The following MASP2 variants were observed in gnomAD, a reference collection of about 807,000 sequenced individuals.
The protein encoded by MASP2 is MBL associated serine protease 2.
Under a neutral mutation model 57.1 loss-of-function variants are expected in MASP2, and 49 were observed. The ratio of observed to expected loss-of-function variants is 0.86; its 90% CI spans 0.68 to 1.09. The LOEUF (loss-of-function observed/expected upper bound fraction) is 1.09. Ranked by LOEUF, MASP2 falls within the 50% of genes least tolerant of loss-of-function variation. MASP2 has a pLI of 0.00. For missense variants in MASP2, 900 were observed against 874.8 expected (o/e 1.03, Z -0.36); for synonymous variants, 379 against 340.8 (o/e 1.11, Z -1.24).
Position 11,030,868 on chromosome 1 carries a change from G to C in MASP2, c.1102C>G (p.Pro368Ala), listed in dbSNP as rs1299345906. 1.2e-6 allele frequency: 2 copies of C among 1,612,788 alleles called. No homozygotes were observed. ...CGGCCACTGGGTAGATCATCAGGAG[G>C]GCCACAGTCAACAACTAAGAAAGAA... ...MPACSIVDCG[P>A]PDDLPSGRVE... Residue 368 changes from proline (P) to alanine (A), a missense_variant, in exon 9 of 11, where the codon CCT (proline) becomes GCT (alanine). Coordinates refer to ENST00000400897, the MANE Select transcript of MASP2 (RefSeq NM_006610.4).
Position 11,046,731 on chromosome 1 carries a change from C to A in MASP2, c.237G>T (p.Leu79=), listed in dbSNP as rs767896134. ...SHLCEYDFVK[L]SSGAKVLATL... ...TGGCCAGCACCTTGGCCCCCGAGCT[C>A]AGCTGTGGGGTCAGGTGTCACAGGG... The change falls in exon 3 of 11, where the codon CTG becomes CTT. Residue 79 remains leucine (L), a splice_region_variant and synonymous_variant. Coordinates refer to ENST00000400897, the MANE Select transcript of MASP2 (RefSeq NM_006610.4). 2.7e-5 allele frequency: 44 copies of A among 1,611,676 alleles called. 1 individual carries two copies. The highest frequency in any genetic ancestry group is 3.6e-5 in the Non-Finnish European group (43 of 1,179,380).
chr1:11,041,279 G>A (rs1408860878), intron 6 of MASP2, among the ~76,000 whole-genome samples: 1 of 150,678 alleles, frequency 6.6e-6, no homozygotes, highest in Non-Finnish European at 1.5e-5. Flanking sequence ...ATGGATGGGT[G>A]AGTAGATGGA....
At position 11,045,550 on chromosome 1, in the gene MASP2, G is replaced by A; in HGVS notation, c.413-11C>T. The stretch of plus-strand genomic sequence containing the variant: ...GGCACTCGTCAATGTCTGGGGGAGA[G>A]GCAGGGCCAGGCAGGCCGTCAGGAG... On this transcript the variant is annotated splice_polypyrimidine_tract_variant and intron_variant, in intron 3 of 10. Coordinates refer to ENST00000400897, the MANE Select transcript of MASP2 (RefSeq NM_006610.4). 1.3e-6 allele frequency: 2 copies of A among 1,597,634 alleles called. No homozygotes were observed. The highest frequency in any genetic ancestry group is 1.9e-4 in the Middle Eastern group (1 of 5,374).
chr1:11,045,025 C>T (rs897458953), intron 4 of MASP2: 9 of 1,465,642 alleles, frequency 6.1e-6, no homozygotes, highest in East Asian at 2.3e-5. Context: ...GCAGGGTCAG[C>T]GCCAGCAGGT....
At chr1:11,038,937 T>G (rs1638332399) in intron 6 of MASP2, among the ~76,000 whole-genome samples, 1 of 152,044 alleles carries the variant, frequency 6.6e-6, no homozygotes, top group Non-Finnish European at 1.5e-5. Flanking sequence ...AACTCCTTTT[T>G]CCCCTGCCCC....
intron 8 of MASP2, among the ~76,000 whole-genome samples, chr1:11,034,241 C>CAAAAAAAAAAAA (rs1643872586): frequency 1.0e-5 from 1 of 96,976 alleles, no homozygotes. Context: ...AGACCCTTCT[C>CAAAAAAAAAAAA]AGAAAAAAAA....
chr1:11,045,096 G>A (rs1225650326), intron 4 of MASP2: 1 of 846,934 alleles, frequency 1.2e-6, no homozygotes, highest in Non-Finnish European at 1.9e-6. Context: ...AGGGAACCAG[G>A]TCCCAAGGAA....
Position 11,046,572 on chromosome 1 carries a change from G to A in MASP2, c.396C>T (p.Ala132=). ...TTGGCTCACCCTCGGCTGCATAGAA[G>A]GCCTCGAACCCCGTGAACGGCTTCT... ...SNEKPFTGFE[A]FYAAEDIDEC... Residue 132 remains alanine (A), a synonymous_variant, in exon 3 of 11, where the codon GCC becomes GCT. Coordinates refer to ENST00000400897, the MANE Select transcript of MASP2 (RefSeq NM_006610.4). 1 of 1,613,946 alleles carries A rather than the reference G, an allele frequency of 6.2e-7. No individual in the cohort carries two copies. The highest frequency in any genetic ancestry group is 8.5e-7 in the Non-Finnish European group (1 of 1,180,028).
At chr1:11,042,317 T>C (rs1638484170) in intron 6 of MASP2, among the ~76,000 whole-genome samples, 1 of 147,874 alleles carries the variant, frequency 6.8e-6, no homozygotes, top group African/African-American at 2.5e-5. Context: ...GGTGAATGAA[T>C]AGATGGATAG....
chr1:11,039,597 T>TG (rs1638354398), intron 6 of MASP2, among the ~76,000 whole-genome samples: 2 of 135,762 alleles, frequency 1.5e-5, no homozygotes, highest in East Asian at 2.2e-4. Flanking sequence ...GATGGATGGA[T>TG]GATGGATGGA....
In MASP2 at chr1:11,026,752, G is replaced by A; in HGVS notation, c.*133C>T. ...TGGAGAAATGACAGCAGCCTCACCT[G>A]GAGTCTGTTTTTTTGGGTGGAGCAA... is the stretch of plus-strand genomic sequence containing the variant. On this transcript the variant is annotated 3_prime_UTR_variant, in exon 11 of 11. Transcript: ENST00000400897. 1.5e-6 allele frequency: 1 copy of A among 652,328 alleles called. No individual in the cohort carries two copies. Among genetic ancestry groups the A allele is most frequent in the South Asian group, 4.0e-5 (1 of 24,742 alleles). The allele number at this position is 652,328 out of a possible 1,614,324, so 40.4% of individuals were successfully genotyped here.
At chr1:11,042,787 A>C (rs1261878202) in intron 6 of MASP2, 88 bp downstream of exon 6, 2 of 1,459,172 alleles carry the variant, frequency 1.4e-6, no homozygotes, top group Non-Finnish European at 1.9e-6. Context: ...CTGGCCCAGA[A>C]GGAGCCCTAC....
rs767411065 is a variant in MASP2, at chr1:11,046,670, C to T, written c.298G>A (p.Ala100Thr). The T allele has an allele frequency of 7.4e-6, 12 of 1,613,418 alleles. No individual in the cohort carries two copies. In the Admixed American group the frequency reaches 1.8e-4, roughly 25 times the overall value. The change falls in exon 3 of 11, where the codon GCC becomes ACC. Residue 100 changes from alanine (A) to threonine (T), a missense_variant. Ala to Thr is a moderately conservative substitution (Grantham distance 58). Coordinates refer to ENST00000400897, the MANE Select transcript of MASP2 (RefSeq NM_006610.4). ...CGQESTDTER[A>T]PGKDTFYSLG... ...GAGTAGAAAGTGTCCTTGCCAGGGG[C>T]CCGCTCCGTGTCTGTGCTCTCCTGC...
Position 11,047,059 on chromosome 1 carries a change from C to G in MASP2, c.66G>C (p.Trp22Cys). 1.3e-6 allele frequency: 2 copies of G among 1,550,756 alleles called. No homozygotes were observed. Among genetic ancestry groups the G allele is most frequent in the Non-Finnish European group, 1.7e-6 (2 of 1,147,130 alleles). Residue 22 changes from tryptophan (W) to cysteine (C), a missense_variant, in exon 2 of 11, where the codon TGG (tryptophan) becomes TGC (cysteine). Trp to Cys is a radical substitution (Grantham distance 215). Coordinates refer to ENST00000400897, the MANE Select transcript of MASP2 (RefSeq NM_006610.4). ...GSVATPLGPK[W>C]PEPVFGRLAS... Reference sequence around the variant, plus strand: ...CCAGGCGCCCGAACACAGGTTCAGGCCACTTCGGGCCCAAGGGGGTGGCCA... The same window carrying G: ...CCAGGCGCCCGAACACAGGTTCAGGGCACTTCGGGCCCAAGGGGGTGGCCA...
At position 11,037,812 on chromosome 1, in the gene MASP2, C is replaced by T. The variant is rs370918294; in HGVS notation, c.890-1G>A. The T allele has an allele frequency of 4.6e-5, 74 of 1,597,550 alleles. No homozygotes were observed. The highest frequency in any genetic ancestry group is 6.2e-5 in the Non-Finnish European group (72 of 1,169,938). ...GCCATCGGATAAGGGCAAGGCTGCG[C>T]TGCGCAGAGGAAACCAGGCTTGTTG... On this transcript the variant is annotated splice_acceptor_variant, in intron 6 of 10. Transcript: ENST00000400897. LOFTEE classifies it high-confidence loss of function.
In MASP2 at chr1:11,041,105, A is replaced by ATGGATGGATGGATG. The variant is rs59932912; in HGVS notation, c.889+1769_889+1770insCATCCATCCATCCA. On this transcript the variant is annotated intron_variant, in intron 6 of 10. Transcript: ENST00000400897. ...TAGGTGGATGGATAGAAGGATGGAT[A>ATGGATGGATGGATG]GATGGATGGATGGATGGATGGATGG... Among the ~76,000 whole-genome samples the ATGGATGGATGGATG allele has an allele frequency of 2.6e-4, 35 of 133,090 alleles. 3 individuals carry two copies. The highest frequency in any genetic ancestry group is 2.8e-4 in the Non-Finnish European group (18 of 64,462). The allele number at this position is 133,090 out of a possible 152,430, so 87.3% of individuals were successfully genotyped here.
intron 7 of MASP2, among the ~76,000 whole-genome samples, chr1:11,036,867 C>T (rs1286775103): frequency 1.3e-5 from 2 of 152,010 alleles, no homozygotes; most frequent in African/African-American, 4.8e-5. Flanking sequence ...TTTCCCGGGG[C>T]TGTCTACTTT....
chr1:11,043,258 G>A (rs1638516031), intron 5 of MASP2, 81 bp downstream of exon 5: 1 of 1,274,042 alleles, frequency 7.8e-7, no homozygotes, highest in African/African-American at 1.5e-5. Flanking sequence ...AACGTGGTGG[G>A]GGCCATGCTG....
rs754107237 is a variant in MASP2 at position 11,047,047 on chromosome 1, C to A, written c.78G>T (p.Val26=). 6.4e-7 allele frequency: 1 copy of A among 1,551,016 alleles called. No individual in the cohort carries two copies. Among genetic ancestry groups the A allele is most frequent in the Non-Finnish European group, 8.7e-7 (1 of 1,147,246 alleles). ...TPLGPKWPEP[V]FGRLASPGFP... ...AGCCGGGGGATGCCAGGCGCCCGAA[C>A]ACAGGTTCAGGCCACTTCGGGCCCA... Residue 26 remains valine, a synonymous_variant, in exon 2 of 11, where the codon GTG becomes GTT. Transcript: ENST00000400897.
Sources: gnomAD v4.1 joint callset for allele counts (sites outside exome capture counted in the v4.1 genomes callset) on GRCh38, gnomAD v4.1.1 for gene constraint, MANE v1.5 for transcripts, NCBI Gene and HGNC (gene_info 2026-07-23, HGNC 2026-07-21) for gene names.